NCAM2: variants seen among roughly 807,000 people sequenced by gnomAD.
NCAM2 encodes N-CAM-2.
Under a neutral mutation model 98.1 loss-of-function variants are expected in NCAM2, and 30 were observed. That is an observed-to-expected ratio of 0.31 (90% CI 0.23 to 0.41). The LOEUF is 0.41. NCAM2 is among the 10% of genes least tolerant of loss of function. The pLI is 1.00. For synonymous variants in NCAM2, 368 were observed against 342.4 expected, an observed-to-expected ratio of 1.07 and a Z score of -0.83; for missense variants, 867 against 1,005.8, an observed-to-expected ratio of 0.86 and a Z score of 1.87.
chr21:21,247,046 G>A (rs148085307), intron 1 of NCAM2, among the ~76,000 whole-genome samples: 2,374 of 151,972 alleles, frequency 0.016, 39 homozygotes, highest in South Asian at 0.084. Flanking sequence ...TAGACTAGGC[G>A]CGTTGGCTCA....
intron 5 of NCAM2, among the ~76,000 whole-genome samples, chr21:21,314,538 C>T (rs9977942): frequency 0.99 from 151,254 of 152,258 alleles, 75,137 homozygotes; most frequent in East Asian, 1. Flanking sequence ...TTGATACATA[C>T]ACATATGTAC....
At chr21:21,196,337 A>G (rs544829613) in intron 1 of NCAM2, among the ~76,000 whole-genome samples, 12 of 152,174 alleles carry the variant, frequency 7.9e-5, no homozygotes, top group Admixed American at 1.3e-4. Context: ...TTCCCAACAC[A>G]AGATAACTCT....
chr21:21,529,775 T>TA (rs950560344), intron 16 of NCAM2, among the ~76,000 whole-genome samples: 2 of 151,758 alleles, frequency 1.3e-5, no homozygotes, highest in Admixed American at 1.3e-4. Context: ...TTAATATTAA[T>TA]AAAACATAAC....
At chr21:21,434,320 G>A (rs749801997) in intron 12 of NCAM2, among the ~76,000 whole-genome samples, 2 of 152,156 alleles carry the variant, frequency 1.3e-5, no homozygotes, top group African/African-American at 2.4e-5. Context: ...GGGAAGCTGC[G>A]TGCATAGAAT....
At chr21:21,138,806 C>T (rs182670681) in intron 1 of NCAM2, among the ~76,000 whole-genome samples, 45 of 152,160 alleles carry the variant, frequency 3.0e-4, no homozygotes, top group African/African-American at 9.9e-4. Flanking sequence ...CTTCAATATA[C>T]GACTGACACT....
chr21:21,239,671 AT>A (rs568931556), intron 1 of NCAM2, among the ~76,000 whole-genome samples: 76 of 150,488 alleles, frequency 5.1e-4, no homozygotes, highest in East Asian at 1.8e-3. Flanking sequence ...AAAAGGTGGA[AT>A]TTTTTTTTTC....
At chr21:21,187,692 G>A (rs1227619329) in intron 1 of NCAM2, among the ~76,000 whole-genome samples, 1 of 152,164 alleles carries the variant, frequency 6.6e-6, no homozygotes, top group East Asian at 1.9e-4. Context: ...AATGGTGCTA[G>A]TTATTAAAAC....
chr21:21,051,007 C>G (rs2065097610), intron 1 of NCAM2, among the ~76,000 whole-genome samples: 1 of 152,184 alleles, frequency 6.6e-6, no homozygotes, highest in South Asian at 2.1e-4. Context: ...ATATCTGGAC[C>G]CAATGCCACT....
chr21:21,131,702 T>A (rs983291457), intron 1 of NCAM2, among the ~76,000 whole-genome samples: 3 of 152,218 alleles, frequency 2.0e-5, no homozygotes, highest in African/African-American at 4.8e-5. Flanking sequence ...TATATATAGC[T>A]ATATATATGA....
At chr21:21,063,210 CTTTTTTTTTTTT>C (rs11325446) in intron 1 of NCAM2, among the ~76,000 whole-genome samples, 6 of 66,106 alleles carry the variant, frequency 9.1e-5, no homozygotes, top group African/African-American at 1.3e-4. Context: ...TCTTTACATT[CTTTTTTTTTTTT>C]TTTTTTTTTT....
intron 16 of NCAM2, 29 bp downstream of exon 16, chr21:21,509,084 T>C: frequency 6.2e-7 from 1 of 1,609,928 alleles, no homozygotes; most frequent in Non-Finnish European, 8.5e-7. Context: ...CATCATGTCA[T>C]ATTAAACAAG....
chr21:21,290,597 G>A (rs1217908934), intron 4 of NCAM2, among the ~76,000 whole-genome samples: 1 of 151,802 alleles, frequency 6.6e-6, no homozygotes, highest in African/African-American at 2.4e-5. Context: ...TGAGCATTAT[G>A]GAAAAGTTTA....
At chr21:21,274,343 AC>A (rs1422486016) in intron 1 of NCAM2, among the ~76,000 whole-genome samples, 1 of 152,166 alleles carries the variant, frequency 6.6e-6, no homozygotes, top group Non-Finnish European at 1.5e-5. Context: ...TTTTCTTGTT[AC>A]AATTAGAAGA....
At chr21:21,403,254 T>A (rs1486340709) in intron 9 of NCAM2, among the ~76,000 whole-genome samples, 1 of 152,150 alleles carries the variant, frequency 6.6e-6, no homozygotes, top group Non-Finnish European at 1.5e-5. Context: ...ATAGTAGAGA[T>A]TTAAGTTAAT....
chr21:21,533,258 T>G (rs1989810159), intron 16 of NCAM2, among the ~76,000 whole-genome samples: 1 of 143,080 alleles, frequency 7.0e-6, no homozygotes, highest in Non-Finnish European at 1.5e-5. Flanking sequence ...ACATAACAGT[T>G]TCCCTGCTCT....
At chr21:21,271,094 C>G (rs2072481712) in intron 1 of NCAM2, among the ~76,000 whole-genome samples, 1 of 151,830 alleles carries the variant, frequency 6.6e-6, no homozygotes, top group Non-Finnish European at 1.5e-5. Context: ...ATGAAAAACA[C>G]CCACATACTA....
rs1491473437 is a variant in NCAM2, at chr21:21,479,608, A to AAAATT, written c.2077+2137_2077+2138insAAATT. On this transcript the variant is annotated intron_variant, in intron 15 of 17. Coordinates refer to ENST00000400546, the MANE Select transcript of NCAM2 (RefSeq NM_004540.5). ...CAAAAAAAAAAAAAAAAAAAAAAAA[A>AAAATT]TTGTTGATGATAAAAACCAACAATA... Among the ~76,000 whole-genome samples, 133 of 127,946 alleles carry AAAATT rather than the reference A, an allele frequency of 1.0e-3. 3 individuals are homozygous for AAAATT. Among genetic ancestry groups the AAAATT allele is most frequent in the African/African-American group, 2.5e-3 (90 of 36,076 alleles). The allele number at this position is 127,946 out of a possible 152,430, so 83.9% of individuals were successfully genotyped here.
At chr21:21,170,608 G>T (rs185603750) in intron 1 of NCAM2, among the ~76,000 whole-genome samples, 1 of 152,164 alleles carries the variant, frequency 6.6e-6, no homozygotes, top group Non-Finnish European at 1.5e-5. Flanking sequence ...ATTTAGGGCA[G>T]TGGAATTACT....
intron 1 of NCAM2, among the ~76,000 whole-genome samples, chr21:21,006,814 G>T (rs537092006): frequency 2.4e-4 from 37 of 152,190 alleles, no homozygotes; most frequent in African/African-American, 8.7e-4. Flanking sequence ...TGTTTACTTT[G>T]TTGTTTTTAT....
Sources: allele counts gnomAD v4.1 joint callset (sites outside exome capture counted in the v4.1 genomes callset), GRCh38; gene constraint gnomAD v4.1.1; transcripts MANE v1.5; gene names NCBI Gene and HGNC (gene_info 2026-07-23, HGNC 2026-07-21).